The following SNX32 variants were observed in gnomAD, a reference collection of about 807,000 sequenced individuals.
The protein encoded by SNX32 is sorting nexin-32.
A neutral mutation model predicts 57.0 loss-of-function variants in SNX32; 58 were observed. That is an observed-to-expected ratio of 1.02 (90% CI 0.82 to 1.27). The LOEUF (loss-of-function observed/expected upper bound fraction) is 1.27. SNX32 is among the 50% of genes most tolerant of loss of function. The pLI is 0.00. For synonymous variants in SNX32, 262 were observed against 220.4 expected (o/e 1.19, Z -1.67); for missense variants, 589 against 541.2 (o/e 1.09, Z -0.88).
intron 1 of SNX32, among the ~76,000 whole-genome samples, chr11:65,840,099 G>A (rs12418103): frequency 0.14 from 21,146 of 152,098 alleles, 2,007 homozygotes; most frequent in South Asian, 0.31. Flanking sequence ...AGGTTGTGGT[G>A]AGCCAAGATC....
chr11:65,850,508 T>C lies in SNX32; in HGVS notation c.452T>C (p.Leu151Pro). 2.5e-6 allele frequency: 4 copies of C among 1,613,850 alleles called. No individual in the cohort carries two copies. Among genetic ancestry groups the C allele is most frequent in the Non-Finnish European group, 3.4e-6 (4 of 1,179,836 alleles). Residue 151 changes from leucine to proline, a missense_variant, in exon 5 of 13, where the codon CTG becomes CCG. Physicochemically the swap from Leu to Pro is moderately conservative, Grantham distance 98. Coordinates refer to ENST00000308342, the MANE Select transcript of SNX32 (RefSeq NM_152760.3). ...FLQRLAAHPT[L>P]RRDHNFFVFL... ...CAGCGCCTGGCGGCCCACCCCACCC[T>C]GCGTCGAGACCACAACTTCTTTGTG...
chr11:65,850,939 G>T, intron 6 of SNX32, 84 bp downstream of exon 6: 1 of 1,511,456 alleles, frequency 6.6e-7, no homozygotes, highest in Non-Finnish European at 9.2e-7. Flanking sequence ...GTGTGGGAAG[G>T]AAGCCACTGG....
At chr11:65,834,589 G>T (rs1325506203) in intron 1 of SNX32, among the ~76,000 whole-genome samples, 1 of 150,404 alleles carries the variant, frequency 6.6e-6, no homozygotes, top group Non-Finnish European at 1.5e-5. Context: ...TGGTCTGCGT[G>T]TGTCTTTGTG....
At chr11:65,851,904 C>G (rs968808673) in intron 9 of SNX32, among the ~76,000 whole-genome samples, 1 of 152,096 alleles carries the variant, frequency 6.6e-6, no homozygotes, top group Non-Finnish European at 1.5e-5. Context: ...CATGTATGCA[C>G]GTGTGCAGCA....
At chr11:65,853,073 G>C in intron 12 of SNX32, 115 bp downstream of exon 12, 1 of 1,290,008 alleles carries the variant, frequency 7.8e-7, no homozygotes, top group Non-Finnish European at 1.1e-6. Flanking sequence ...GTATGCGCGT[G>C]TGTGTGCATG....
chr11:65,850,426 C>T lies in SNX32; in HGVS notation c.375-5C>T, dbSNP rs201375912. ...AGGGCCGGTGAGCTGCTGCCACTCT[C>T]GCAGGGAGTACCTGGCCATCTTTAA... On this transcript the variant is annotated splice_region_variant and splice_polypyrimidine_tract_variant and intron_variant, in intron 4 of 12. Coordinates refer to ENST00000308342, the MANE Select transcript of SNX32 (RefSeq NM_152760.3). 67 of 1,614,148 alleles carry T rather than the reference C, an allele frequency of 4.2e-5. 1 individual carries two copies. The East Asian group carries it at 1.3e-3, about 31-fold the overall frequency.
At position 65,852,798 on chromosome 11, in the gene SNX32, G is replaced by GCAGCCCC. The variant is rs767576060; in HGVS notation, c.1072+17_1072+23dup. 5.0e-6 allele frequency: 8 copies of GCAGCCCC among 1,609,312 alleles called. No homozygotes were observed. In the East Asian group the frequency reaches 1.6e-4, roughly 31 times the overall value. On this transcript the variant is annotated intron_variant, in intron 11 of 12. Coordinates refer to ENST00000308342, the MANE Select transcript of SNX32 (RefSeq NM_152760.3). ...CGACTCCGCCAAGCAAGGTGAGCCC[G>GCAGCCCC]CAGCCCCCAGCCCCAGCCTGGGGCC...
chr11:65,851,114 C>G lies in SNX32; in HGVS notation c.663C>G (p.Ile221Met). 5 of 1,613,758 alleles carry G rather than the reference C, an allele frequency of 3.1e-6. No homozygotes were observed. The highest frequency in any genetic ancestry group is 4.2e-6 in the Non-Finnish European group (5 of 1,180,008). ...RTFLLEYHTRIRDACLRADRV... is the reference protein window; with the variant it reads ...RTFLLEYHTRMRDACLRADRV... The stretch of plus-strand genomic sequence containing the variant: ...TCCTGTTGGAGTATCACACCCGTAT[C>G]CGAGATGCCTGCCTGCGGGCCGACC... Residue 221 changes from isoleucine to methionine, a missense_variant, in exon 7 of 13, where the codon ATC becomes ATG. Physicochemically the swap from Ile to Met is conservative, Grantham distance 10. Coordinates refer to ENST00000308342, the MANE Select transcript of SNX32 (RefSeq NM_152760.3).
rs773735747 is a variant in SNX32 at position 65,850,529 on chromosome 11, TTG to T, written c.477_478del (p.Leu161GlyfsTer30). 9.9e-6 allele frequency: 16 copies of T among 1,612,230 alleles called. No homozygotes were observed. Among genetic ancestry groups the T allele is most frequent in the Middle Eastern group, 1.7e-4 (1 of 6,056 alleles). ...ACCCTGCGTCGAGACCACAACTTCTTTGTGTTTTTGGAATATGGACAGGATGT... is the reference window on the plus strand; with the variant it reads ...ACCCTGCGTCGAGACCACAACTTCTTTGTTTTTGGAATATGGACAGGATGT... On this transcript the variant is annotated frameshift_variant, in exon 5 of 13. Coordinates refer to ENST00000308342, the MANE Select transcript of SNX32 (RefSeq NM_152760.3). LOFTEE classifies it high-confidence loss of function.
At position 65,850,457 on chromosome 11, in the gene SNX32, C is replaced by G; in HGVS notation, c.401C>G (p.Thr134Arg). 1 of 1,614,222 alleles carries G rather than the reference C, an allele frequency of 6.2e-7. No homozygotes were observed. Among genetic ancestry groups the G allele is most frequent in the South Asian group, 1.1e-5 (1 of 91,084 alleles). ...EAEYLAIFKK[T>R]VAMHEVFLQR... The stretch of plus-strand genomic sequence containing the variant: ...GAGTACCTGGCCATCTTTAAGAAGA[C>G]AGTTGCGATGCACGAAGTCTTTCTG... Residue 134 changes from threonine (T) to arginine (R), a missense_variant, in exon 5 of 13, where the codon ACA (threonine) becomes AGA (arginine). Transcript: ENST00000308342.
At chr11:65,847,783 G>C (rs1463626017) in intron 1 of SNX32, among the ~76,000 whole-genome samples, 2 of 152,080 alleles carry the variant, frequency 1.3e-5, no homozygotes, top group Non-Finnish European at 2.9e-5. Flanking sequence ...GGTGGCGTGT[G>C]CCTGTAATCC....
intron 6 of SNX32, 97 bp downstream of exon 6, chr11:65,850,952 G>A (rs918217385): frequency 1.1e-5 from 17 of 1,491,766 alleles, no homozygotes; most frequent in African/African-American, 2.8e-5. Flanking sequence ...GCCACTGGTG[G>A]GGCCTGGCCT....
chr11:65,837,883 C>T (rs948393820), intron 1 of SNX32, among the ~76,000 whole-genome samples: 11 of 147,302 alleles, frequency 7.5e-5, no homozygotes, highest in Admixed American at 1.4e-4. Flanking sequence ...TGGCTGGGTG[C>T]GGTGGCTCAC....
intron 12 of SNX32, 34 bp from the exon 13 acceptor site, chr11:65,853,248 C>T: frequency 6.2e-7 from 1 of 1,613,882 alleles, no homozygotes; most frequent in Non-Finnish European, 8.5e-7. Context: ...ACTCAGGGAG[C>T]AGGGGACTTC....
In SNX32 at chr11:65,834,419, G is replaced by A. The variant is rs539424789; in HGVS notation, c.36+318G>A. Among the ~76,000 whole-genome samples the A allele has an allele frequency of 3.3e-5, 5 of 150,870 alleles. No homozygotes were observed. In the South Asian group the frequency reaches 1.1e-3, roughly 32 times the overall value. On this transcript the variant is annotated intron_variant, in intron 1 of 12. Coordinates refer to ENST00000308342, the MANE Select transcript of SNX32 (RefSeq NM_152760.3). ...TCTCTGTGTATCTGTGTGTGTGTCT[G>A]TGTGTCTCCGTGTCTCTGTGTGTGT...
At chr11:65,853,015 C>T (rs1247397002) in intron 12 of SNX32, 57 bp downstream of exon 12, 3 of 1,572,140 alleles carry the variant, frequency 1.9e-6, no homozygotes, top group Non-Finnish European at 2.6e-6. Flanking sequence ...CACCTCCCTC[C>T]CTCCCCCAGG....
chr11:65,841,796 C>T (rs889868428), intron 1 of SNX32, among the ~76,000 whole-genome samples: 10 of 151,484 alleles, frequency 6.6e-5, no homozygotes, highest in African/African-American at 2.4e-4. Flanking sequence ...TCATCAAATA[C>T]CTAGGAATAA....
chr11:65,840,182 G>T (rs1234535686), intron 1 of SNX32, among the ~76,000 whole-genome samples: 1 of 151,868 alleles, frequency 6.6e-6, no homozygotes, highest in Non-Finnish European at 1.5e-5. Context: ...TAAATAAACA[G>T]ATAACAAGAA....
At chr11:65,852,071 C>A (rs1177021064) in intron 9 of SNX32, among the ~76,000 whole-genome samples, 2 of 152,184 alleles carry the variant, frequency 1.3e-5, no homozygotes, top group African/African-American at 4.8e-5. Context: ...CGCATCTCTT[C>A]CCTGCTCAAG....
Sources: gnomAD v4.1 joint callset for allele counts (sites outside exome capture counted in the v4.1 genomes callset) on GRCh38, gnomAD v4.1.1 for gene constraint, MANE v1.5 for transcripts, NCBI Gene and HGNC (gene_info 2026-07-23, HGNC 2026-07-21) for gene names.